Variants in SOCS7 observed in about 807,000 individuals in gnomAD.
The protein encoded by SOCS7 is suppressor of cytokine signaling 7, also known as NAP-4.
Under a neutral mutation model 58.9 loss-of-function variants are expected in SOCS7, and 18 were observed. That is an observed-to-expected ratio of 0.31 (90% CI 0.21 to 0.45). The LOEUF (loss-of-function observed/expected upper bound fraction) is 0.45, where lower values mean the gene tolerates loss of function less well. SOCS7 is among the 20% of genes least tolerant of loss of function. The probability of loss-of-function intolerance (pLI) is 1.00; values close to 1 mark genes in which losing one functional copy is unlikely to be tolerated. For missense variants in SOCS7, 667 were observed against 837.3 expected (o/e 0.80, Z 2.51); for synonymous variants, 388 against 364.3 (o/e 1.06, Z -0.74).
chr17:38,372,036 G>C (rs1455940111), intron 6 of SOCS7, among the ~76,000 whole-genome samples: 1 of 151,926 alleles, frequency 6.6e-6, no homozygotes, highest in African/African-American at 2.4e-5. Context: ...TATTCCATAT[G>C]GTCTCTAAGA....
intron 9 of SOCS7, among the ~76,000 whole-genome samples, chr17:38,396,657 A>G (rs1422066349): frequency 6.6e-6 from 1 of 152,198 alleles, no homozygotes; most frequent in Non-Finnish European, 1.5e-5. Flanking sequence ...ACATCTTGCA[A>G]TACTGGTTTG....
Position 38,389,897 on chromosome 17 carries a change from A to ATATATATG in SOCS7, c.1682-5410_1682-5409insTATATGTA, listed in dbSNP as rs1400191697. 5.8e-3 allele frequency among the ~76,000 whole-genome samples: 449 copies of ATATATATG among 77,364 alleles called. 43 individuals are homozygous for ATATATATG. Among genetic ancestry groups the ATATATATG allele is most frequent in the African/African-American group, 0.031 (386 of 12,582 alleles). 50.8% of individuals were successfully genotyped at this position (77,364 alleles called of 152,430 possible). A position where few individuals can be genotyped will look rare whatever the true frequency, so the allele number is the denominator to read the frequency against. ...TATATATATATGTACATATATATAT[A>ATATATATG]TACACATATAGAGAGAGAGAGAGAG... On this transcript the variant is annotated intron_variant, in intron 7 of 9. Transcript: ENST00000612932.
rs550348261 is a variant in SOCS7 at position 38,352,759 on chromosome 17, T to G, written c.707T>G (p.Leu236Arg). The change falls in exon 1 of 10, where the codon CTG (leucine) becomes CGG (arginine). Residue 236 changes from leucine (L) to arginine (R), a missense_variant. This residue lies in a region of SOCS7 where 208 missense variants were observed against 190.3 expected (regional missense o/e 1.09). Coordinates refer to ENST00000612932, the MANE Select transcript of SOCS7 (RefSeq NM_014598.4). This position sits in a 1 kb window ranked among gnomAD's most constrained non-coding sequence, Gnocchi z 5.5. ...TTCCCGCTGCAGGACTTGGTCCCTC[T>G]GGGGCGCCTGAGTAGAGGGGAGCAG... ...VPFPLQDLVP[L>R]GRLSRGEQQQ... 25 of 1,550,008 alleles carry G rather than the reference T, an allele frequency of 1.6e-5. No individual in the cohort carries two copies. The highest frequency in any genetic ancestry group is 2.2e-5 in the Non-Finnish European group (25 of 1,147,054).
chr17:38,397,152 C>A (rs2038255132), intron 9 of SOCS7, among the ~76,000 whole-genome samples: 1 of 152,116 alleles, frequency 6.6e-6, no homozygotes, highest in Admixed American at 6.6e-5. Context: ...AATAAATGGC[C>A]TAGAAAGAAA....
At chr17:38,364,659 A>AGCCTC in intron 2 of SOCS7, 93 bp from the exon 3 acceptor site, 1 of 992,692 alleles carries the variant, frequency 1.0e-6, no homozygotes, top group South Asian at 1.3e-5. Flanking sequence ...GCAGACCCCC[A>AGCCTC]GCCTCGCCTG....
rs201401274 is a variant in SOCS7, at chr17:38,395,303, T to A, written c.1682-6T>A. The A allele has an allele frequency of 6.2e-7, 1 of 1,613,456 alleles. No individual in the cohort carries two copies. Among genetic ancestry groups the A allele is most frequent in the East Asian group, 2.2e-5 (1 of 44,862 alleles). ...TGAATACTTTCCTTTGTTTTCTTTC[T>A]TGAAGGACTGCCACCAACTCCTGTC... is the stretch of plus-strand genomic sequence containing the variant. On this transcript the variant is annotated splice_region_variant and splice_polypyrimidine_tract_variant and intron_variant, in intron 7 of 9. Transcript: ENST00000612932.
rs566398975 is a variant in SOCS7 at position 38,403,731 on chromosome 17, C to G, written c.*4249C>G. The G allele has an allele frequency of 6.6e-6, 1 of 152,068 alleles. No individual in the cohort carries two copies. The highest frequency in any genetic ancestry group is 1.5e-5 in the Non-Finnish European group (1 of 68,016). 9.4% of individuals were successfully genotyped at this position (152,068 alleles called of 1,614,324 possible). On this transcript the variant is annotated 3_prime_UTR_variant, in exon 10 of 10. Coordinates refer to ENST00000612932, the MANE Select transcript of SOCS7 (RefSeq NM_014598.4). Reference sequence around the variant, plus strand: ...CCACTGTTAAGAGAATGACACACCCCCTGTCATGTAAGGGAGGAGCTATTG... The same window carrying G: ...CCACTGTTAAGAGAATGACACACCCGCTGTCATGTAAGGGAGGAGCTATTG...
chr17:38,387,119 A>ATGTGTGTG (rs2038082241), intron 7 of SOCS7, among the ~76,000 whole-genome samples: 5 of 106,704 alleles, frequency 4.7e-5, no homozygotes, highest in East Asian at 4.7e-4. Context: ...ATATATATAT[A>ATGTGTGTG]TATATATATG....
intron 9 of SOCS7, among the ~76,000 whole-genome samples, chr17:38,399,139 G>T (rs1054612110): frequency 6.6e-6 from 1 of 151,860 alleles, no homozygotes; most frequent in East Asian, 1.9e-4. Flanking sequence ...TTCTTGCCAG[G>T]TTCAAAAGGG....
At chr17:38,389,863 G>GTATATATATATATATATATA (rs1261982144) in intron 7 of SOCS7, among the ~76,000 whole-genome samples, 3,277 of 22,464 alleles carry the variant, frequency 0.15, 413 homozygotes, top group Middle Eastern at 0.5. Flanking sequence ...GTGTGTATGT[G>GTATATATATATATATATATA]TGTACATATA....
chr17:38,384,072 C>T (rs1266323197), intron 7 of SOCS7, among the ~76,000 whole-genome samples: 1 of 152,102 alleles, frequency 6.6e-6, no homozygotes, highest in Admixed American at 6.5e-5. Context: ...GGCTGCATGA[C>T]CCCCTTTAGC....
rs2037790631 is a variant in SOCS7 at position 38,366,399 on chromosome 17, C to T, written c.1365C>T (p.Ser455=). 8.7e-6 allele frequency: 14 copies of T among 1,614,082 alleles called. No homozygotes were observed. The highest frequency in any genetic ancestry group is 1.2e-5 in the Non-Finnish European group (14 of 1,180,052). ...CTGACTCGAGCAGCTTTGCAGCCAG[C>T]CTTCGAGAGTTGGAGAAGGTAGGTG... The part of the protein sequence containing the change: ...YRPDSSSFAA[S]LRELEKCGWY... Residue 455 remains serine, a synonymous_variant, in exon 5 of 10, where the codon AGC becomes AGT. Coordinates refer to ENST00000612932, the MANE Select transcript of SOCS7 (RefSeq NM_014598.4).
chr17:38,365,396 A>G lies in SOCS7; in HGVS notation c.1239A>G (p.Pro413=). The G allele has an allele frequency of 1.9e-6, 3 of 1,609,570 alleles. No individual in the cohort carries two copies. The part of the protein sequence containing the change: ...LQSFPLPPPP[P]PHAPDAFPRI... Reference sequence around the variant, plus strand: ...CTTTCCCCCTACCTCCGCCTCCTCCACCCCATGCCCCAGGTTAGCTTAGTT... The same window carrying G: ...CTTTCCCCCTACCTCCGCCTCCTCCGCCCCATGCCCCAGGTTAGCTTAGTT... The change falls in exon 4 of 10, where the codon CCA becomes CCG. Residue 413 remains proline, a synonymous_variant. Transcript: ENST00000612932.
rs1041149771 is a variant in SOCS7 at position 38,399,584 on chromosome 17, G to C, written c.*102G>C. The C allele has an allele frequency of 6.6e-6, 1 of 152,652 alleles. No homozygotes were observed. The highest frequency in any genetic ancestry group is 2.4e-5 in the African/African-American group (1 of 41,452). The allele number at this position is 152,652 out of a possible 1,614,324, so 9.5% of individuals were successfully genotyped here. ...CATGAAAAGAAGAGGAAAAGTGAGG[G>C]AACAGGAAGGTTGGGATTCTCTGTG... On this transcript the variant is annotated 3_prime_UTR_variant, in exon 10 of 10. Transcript: ENST00000612932.
chr17:38,364,601 G>A (rs758351133), intron 2 of SOCS7, 151 bp from the exon 3 acceptor site: 105 of 625,126 alleles, frequency 1.7e-4, no homozygotes, highest in Middle Eastern at 1.4e-3. Flanking sequence ...CCTGGTGTTG[G>A]GGTGATTTCA....
Position 38,367,626 on chromosome 17 carries a change from A to T in SOCS7, c.1384-256A>T, listed in dbSNP as rs1248328364. ...TGACCTCAAGTGATCCACCCGCCTC[A>T]GCCTCCCAAAGTGTTGGGATTACAG... On this transcript the variant is annotated intron_variant, in intron 5 of 9. Transcript: ENST00000612932. 2.7e-4 allele frequency among the ~76,000 whole-genome samples: 41 copies of T among 152,140 alleles called. 1 individual carries two copies. Among genetic ancestry groups the T allele is most frequent in the Admixed American group, 2.7e-3 (41 of 15,268 alleles).
rs2038335448 is a variant in SOCS7, at chr17:38,402,580, AT to A, written c.*3100del. On this transcript the variant is annotated 3_prime_UTR_variant, in exon 10 of 10. Coordinates refer to ENST00000612932, the MANE Select transcript of SOCS7 (RefSeq NM_014598.4). ...ACCCTATCTCTACTAAAATACAAAAATTAGCTGGGCATGGTGGCATGCGCCT... is the reference window on the plus strand; with the variant it reads ...ACCCTATCTCTACTAAAATACAAAAATAGCTGGGCATGGTGGCATGCGCCT... 1 of 152,174 alleles carries A rather than the reference AT, an allele frequency of 6.6e-6. No individual in the cohort carries two copies. Among genetic ancestry groups the A allele is most frequent in the Non-Finnish European group, 1.5e-5 (1 of 68,068 alleles). 9.4% of individuals were successfully genotyped at this position (152,174 alleles called of 1,614,324 possible).
intron 1 of SOCS7, among the ~76,000 whole-genome samples, chr17:38,354,302 C>A (rs538225450): frequency 6.6e-6 from 1 of 152,204 alleles, no homozygotes; most frequent in Admixed American, 6.5e-5. Flanking sequence ...AAATTGATAA[C>A]CTTACTGTGA....
intron 1 of SOCS7, among the ~76,000 whole-genome samples, chr17:38,360,012 A>G (rs1362251525): frequency 4.0e-5 from 6 of 151,754 alleles, no homozygotes; most frequent in African/African-American, 9.7e-5. Flanking sequence ...TCCTGGGCTC[A>G]AGCAATCTGC....
Sources: allele counts gnomAD v4.1 joint callset (sites outside exome capture counted in the v4.1 genomes callset), GRCh38; gene constraint gnomAD v4.1.1; regional missense constraint gnomAD v4.1.1; non-coding constraint Gnocchi (gnomAD v3.1); transcripts MANE v1.5; gene names NCBI Gene and HGNC (gene_info 2026-07-23, HGNC 2026-07-21).